PPFIA2: variants seen among roughly 807,000 people sequenced by gnomAD.
PPFIA2 encodes the protein PPFI scaffold protein A2.
PPFIA2 carries 46 observed loss-of-function variants against 175.5 expected under a neutral mutation model. The observed-to-expected ratio is 0.26, with a 90% CI of 0.21 to 0.34. The LOEUF (loss-of-function observed/expected upper bound fraction) is 0.34. PPFIA2 is among the 10% of genes least tolerant of loss of function. PPFIA2 has a pLI of 1.00. For missense variants in PPFIA2, 1,179 were observed against 1,506.1 expected, an observed-to-expected ratio of 0.78 and a Z score of 3.60; for synonymous variants, 568 against 511.4, an observed-to-expected ratio of 1.11 and a Z score of -1.49.
At chr12:81,463,146 CA>C (rs1566935427) in intron 4 of PPFIA2, among the ~76,000 whole-genome samples, 2 of 151,824 alleles carry the variant, frequency 1.3e-5, no homozygotes, top group African/African-American at 2.4e-5. Flanking sequence ...GAATATTATG[CA>C]AAGGGAAGAA....
chr12:81,712,480 C>A (rs1456404772), intron 3 of PPFIA2, among the ~76,000 whole-genome samples: 1 of 151,238 alleles, frequency 6.6e-6, no homozygotes, highest in Non-Finnish European at 1.5e-5. Flanking sequence ...TAAGGATGCA[C>A]ATTAAAAGCA....
chr12:81,690,241 T>G (rs556508305), intron 3 of PPFIA2, among the ~76,000 whole-genome samples: 16 of 152,078 alleles, frequency 1.1e-4, no homozygotes, highest in Admixed American at 2.0e-4. Context: ...TTAGCTTTGG[T>G]CCAAAGGCCA....
At chr12:81,573,112 T>C (rs1432400260) in intron 4 of PPFIA2, among the ~76,000 whole-genome samples, 2 of 151,952 alleles carry the variant, frequency 1.3e-5, no homozygotes, top group Non-Finnish European at 2.9e-5. Context: ...TTAAATGACA[T>C]GTCCAAAATG....
intron 4 of PPFIA2, among the ~76,000 whole-genome samples, chr12:81,522,546 A>G (rs938119935): frequency 6.6e-6 from 1 of 152,216 alleles, no homozygotes; most frequent in Admixed American, 6.5e-5. Context: ...GAAATTACAC[A>G]TGCTTTCTGT....
At chr12:81,261,506 A>G (rs780430029) in intron 32 of PPFIA2, among the ~76,000 whole-genome samples, 35 of 152,102 alleles carry the variant, frequency 2.3e-4, no homozygotes, top group South Asian at 1.0e-3. Flanking sequence ...CCATCTCTAA[A>G]TCATTTTCCT....
intron 7 of PPFIA2, among the ~76,000 whole-genome samples, chr12:81,423,200 T>C (rs549033082): frequency 1.3e-5 from 2 of 152,236 alleles, no homozygotes; most frequent in South Asian, 2.1e-4. Context: ...GAAAGAGGAA[T>C]TGATACCAAC....
chr12:81,542,035 A>C (rs2066299056), intron 4 of PPFIA2, among the ~76,000 whole-genome samples: 1 of 152,142 alleles, frequency 6.6e-6, no homozygotes, highest in South Asian at 2.1e-4. Context: ...TCCAAAAAAA[A>C]AAAAATGTAT....
intron 5 of PPFIA2, among the ~76,000 whole-genome samples, chr12:81,451,817 T>G (rs2052640094): frequency 6.6e-6 from 1 of 152,190 alleles, no homozygotes; most frequent in Non-Finnish European, 1.5e-5. Flanking sequence ...GGCATATATA[T>G]ATGGCCTAAT....
chr12:81,445,223 GGA>G (rs1191653426), intron 6 of PPFIA2, among the ~76,000 whole-genome samples: 48 of 62,718 alleles, frequency 7.7e-4, no homozygotes, highest in Admixed American at 1.3e-3. Context: ...GGGGGAGGGG[GGA>G]GAGAGAGAGA....
chr12:81,669,432 T>C (rs987466172), intron 4 of PPFIA2, among the ~76,000 whole-genome samples: 2 of 152,030 alleles, frequency 1.3e-5, no homozygotes, highest in African/African-American at 2.4e-5. Context: ...GAGGAACTCA[T>C]ATGCCAAGTA....
chr12:81,447,692 A>C (rs963643919), intron 5 of PPFIA2, among the ~76,000 whole-genome samples: 2 of 152,188 alleles, frequency 1.3e-5, no homozygotes, highest in African/African-American at 4.8e-5. Context: ...TAAAAGCTCC[A>C]TGAGAGTTGG....
chr12:81,730,688 G>A (rs947859603), intron 3 of PPFIA2, among the ~76,000 whole-genome samples: 12 of 151,528 alleles, frequency 7.9e-5, no homozygotes, highest in African/African-American at 2.9e-4. Flanking sequence ...AATTTATTCT[G>A]TCCTCAAATG....
intron 3 of PPFIA2, among the ~76,000 whole-genome samples, chr12:81,715,571 G>C (rs950711024): frequency 4.0e-5 from 6 of 151,672 alleles, no homozygotes; most frequent in African/African-American, 1.5e-4. Flanking sequence ...AGATTAAGGT[G>C]ATGTCCATAA....
intron 3 of PPFIA2, among the ~76,000 whole-genome samples, chr12:81,724,231 T>C (rs1202864859): frequency 4.0e-5 from 6 of 151,042 alleles, no homozygotes. Flanking sequence ...AATAACATTG[T>C]GTTATGCCTG....
At position 81,646,135 on chromosome 12, in the gene PPFIA2, C is replaced by T. The variant is rs182857413; in HGVS notation, c.303+30656G>A. On this transcript the variant is annotated intron_variant, in intron 4 of 32. Transcript: ENST00000549396. Reference sequence around the variant, plus strand: ...GAAAGGTATAGAAGTCTTACTCCTCCAACCAGCCCTTTACAGTAGGAAAAG... The same window carrying T: ...GAAAGGTATAGAAGTCTTACTCCTCTAACCAGCCCTTTACAGTAGGAAAAG... Among the ~76,000 whole-genome samples, 21 of 152,252 alleles carry T rather than the reference C, an allele frequency of 1.4e-4. No individual in the cohort carries two copies. In the East Asian group the frequency reaches 3.7e-3, roughly 27 times the overall value.
rs887097846 is a variant in PPFIA2 at position 81,374,766 on chromosome 12, C to T, written c.1134G>A (p.Met378Ile). 4.3e-6 allele frequency: 7 copies of T among 1,611,206 alleles called. No individual in the cohort carries two copies. Among genetic ancestry groups the T allele is most frequent in the Non-Finnish European group, 5.9e-6 (7 of 1,178,494 alleles). ...LANKEAILRQMEEKNRQLQER... is the reference protein window; with the variant it reads ...LANKEAILRQIEEKNRQLQER... ...CTTGTAACTGTCTGTTTTTCTCTTC[C>T]ATCTGAAATGGGAATGGGAGCAGAG... is the stretch of plus-strand genomic sequence containing the variant. The change falls in exon 11 of 33, where the codon ATG becomes ATA. Residue 378 changes from methionine (M) to isoleucine (I), a missense_variant and splice_region_variant. Physicochemically the swap from Met to Ile is conservative, Grantham distance 10. Around this residue, in one of 10 missense-constraint regions of PPFIA2, gnomAD observed 226 missense variants for 216.6 expected, o/e 1.04. Coordinates refer to ENST00000549396, the MANE Select transcript of PPFIA2 (RefSeq NM_003625.5).
intron 22 of PPFIA2, among the ~76,000 whole-genome samples, chr12:81,321,046 TAAATA>T (rs1171372037): frequency 2.0e-5 from 2 of 98,250 alleles, no homozygotes; most frequent in African/African-American, 8.7e-5. Context: ...CAAAAATAAA[TAAATA>T]AAACAGAGAG....
chr12:81,383,872 T>C lies in PPFIA2; in HGVS notation c.984+151A>G. Reference sequence around the variant, plus strand: ...CTCATGAAGTAAACTATGTTTGCGCTATTGAACAAGTTTCATAACTAATAT... The same window carrying C: ...CTCATGAAGTAAACTATGTTTGCGCCATTGAACAAGTTTCATAACTAATAT... On this transcript the variant is annotated intron_variant, in intron 9 of 32. Coordinates refer to ENST00000549396, the MANE Select transcript of PPFIA2 (RefSeq NM_003625.5). The C allele has an allele frequency of 6.7e-6, 4 of 594,586 alleles. No homozygotes were observed. The East Asian group carries it at 8.9e-5, about 13-fold the overall frequency. The allele number at this position is 594,586 out of a possible 1,614,324, so 36.8% of individuals were successfully genotyped here.
intron 22 of PPFIA2, among the ~76,000 whole-genome samples, chr12:81,321,948 T>C (rs1362498923): frequency 6.6e-6 from 1 of 152,152 alleles, no homozygotes; most frequent in Non-Finnish European, 1.5e-5. Flanking sequence ...AATCCTCCTG[T>C]CTCAGCCTTA....
Sources: allele counts gnomAD v4.1 joint callset (sites outside exome capture counted in the v4.1 genomes callset), GRCh38; gene constraint gnomAD v4.1.1; regional missense constraint gnomAD v4.1.1; transcripts MANE v1.5; gene names NCBI Gene and HGNC (gene_info 2026-07-23, HGNC 2026-07-21).